ZSWIM6: variants seen among roughly 807,000 people sequenced by gnomAD.
The protein encoded by ZSWIM6 is zinc finger SWIM domain-containing protein 6.
A neutral mutation model predicts 113.2 loss-of-function variants in ZSWIM6; 9 were observed. That is an observed-to-expected ratio of 0.08 (90% CI 0.05 to 0.14). The LOEUF is 0.14. Ranked by LOEUF, ZSWIM6 falls within the 10% of genes least tolerant of loss-of-function variation. The pLI, the probability that ZSWIM6 is intolerant of heterozygous loss-of-function variation, is 1.00. For synonymous variants in ZSWIM6, 611 were observed against 606.5 expected (o/e 1.01, Z -0.11); for missense variants, 1,162 against 1,552.2 (o/e 0.75, Z 4.22).
intron 1 of ZSWIM6, among the ~76,000 whole-genome samples, chr5:61,465,434 T>C (rs1467628411): frequency 1.3e-5 from 2 of 152,204 alleles, no homozygotes; most frequent in East Asian, 3.9e-4. Context: ...TTTTTTTTTT[T>C]TCTAGTTCAA....
chr5:61,500,318 G>T (rs769348681), intron 4 of ZSWIM6, among the ~76,000 whole-genome samples: 26 of 151,874 alleles, frequency 1.7e-4, no homozygotes, highest in Non-Finnish European at 3.2e-4. Flanking sequence ...AGTAGAGATG[G>T]GGTTTCACTA....
At chr5:61,535,998 A>G (rs1179536859) in intron 10 of ZSWIM6, among the ~76,000 whole-genome samples, 1 of 152,266 alleles carries the variant, frequency 6.6e-6, no homozygotes, top group East Asian at 1.9e-4. Flanking sequence ...CTTGAATATA[A>G]TTGAGGGAGA....
intron 1 of ZSWIM6, among the ~76,000 whole-genome samples, chr5:61,383,762 G>T (rs976670795): frequency 2.0e-5 from 3 of 151,444 alleles, no homozygotes; most frequent in Non-Finnish European, 4.4e-5. Flanking sequence ...GGTCAGGCTG[G>T]TCTCGAACTC....
intron 1 of ZSWIM6, among the ~76,000 whole-genome samples, chr5:61,458,134 A>G (rs1747244487): frequency 2.6e-5 from 4 of 152,200 alleles, no homozygotes; most frequent in Non-Finnish European, 4.4e-5. Context: ...CTGAGTATGT[A>G]GATGCTTGGA....
intron 1 of ZSWIM6, among the ~76,000 whole-genome samples, chr5:61,370,010 A>G (rs1457767892): frequency 6.6e-6 from 1 of 152,220 alleles, no homozygotes; most frequent in Non-Finnish European, 1.5e-5. Flanking sequence ...TAAAACTCAA[A>G]TGGCTTTCCA....
chr5:61,370,900 C>G (rs1745248945), intron 1 of ZSWIM6, among the ~76,000 whole-genome samples: 1 of 152,136 alleles, frequency 6.6e-6, no homozygotes, highest in Non-Finnish European at 1.5e-5. Context: ...AAGTTACTCA[C>G]AAAGTTAAGT....
intron 2 of ZSWIM6, among the ~76,000 whole-genome samples, chr5:61,487,730 A>G (rs1352872081): frequency 6.6e-6 from 1 of 152,112 alleles, no homozygotes; most frequent in Non-Finnish European, 1.5e-5. Context: ...TTGATTTTGC[A>G]TCCTGCAACT....
At position 61,525,891 on chromosome 5, in the gene ZSWIM6, C is replaced by G. The variant is rs1330156109; in HGVS notation, c.1605C>G (p.Ile535Met). Residue 535 changes from isoleucine to methionine, a missense_variant, in exon 6 of 14, where the codon ATC (isoleucine) becomes ATG (methionine). Physicochemically the swap from Ile to Met is conservative, Grantham distance 10. Transcript: ENST00000252744. The part of the protein sequence containing the change: ...HWQDSHLQHI[I>M]SSDLYTNYCY... The stretch of plus-strand genomic sequence containing the variant: ...AGGATAGCCACTTGCAGCACATTAT[C>G]AGCAGTGACCTATACACCAACTACT... The G allele has an allele frequency of 1.2e-5, 19 of 1,551,974 alleles. No individual in the cohort carries two copies. In the Admixed American group the frequency reaches 3.1e-4, roughly 26 times the overall value.
At chr5:61,380,142 C>G (rs1262473366) in intron 1 of ZSWIM6, among the ~76,000 whole-genome samples, 1 of 152,022 alleles carries the variant, frequency 6.6e-6, no homozygotes, top group Non-Finnish European at 1.5e-5. Context: ...GTGGCGTGAT[C>G]ACAGCTTACT....
At position 61,340,256 on chromosome 5, in the gene ZSWIM6, G is replaced by A. The variant is rs111532369; in HGVS notation, c.676+7308G>A. Reference sequence around the variant, plus strand: ...CTGAAAGATTGACTTTCAGCTGATAGTAAACTGTTGCTTGAGTATGCTAAA... The same window carrying A: ...CTGAAAGATTGACTTTCAGCTGATAATAAACTGTTGCTTGAGTATGCTAAA... On this transcript the variant is annotated intron_variant, in intron 1 of 13. Coordinates refer to ENST00000252744, the MANE Select transcript of ZSWIM6 (RefSeq NM_020928.2). Among the ~76,000 whole-genome samples, 29 of 152,276 alleles carry A rather than the reference G, an allele frequency of 1.9e-4. 2 individuals are homozygous for A. Among genetic ancestry groups the A allele is most frequent in the African/African-American group, 7.0e-4 (29 of 41,554 alleles).
intron 1 of ZSWIM6, among the ~76,000 whole-genome samples, chr5:61,355,431 AACACACACACACACAC>A (rs34072520): frequency 0.086 from 10,951 of 127,518 alleles, 518 homozygotes; most frequent in East Asian, 0.16. Context: ...GAGACTTTAA[AACACACACACACACAC>A]ACACACACAC....
chr5:61,510,817 C>T (rs1311775557), intron 4 of ZSWIM6, among the ~76,000 whole-genome samples: 1 of 152,100 alleles, frequency 6.6e-6, no homozygotes, highest in African/African-American at 2.4e-5. Context: ...ACCAGTAGTA[C>T]CTGACTAGGT....
chr5:61,401,253 A>C (rs1745935336), intron 1 of ZSWIM6, among the ~76,000 whole-genome samples: 1 of 152,188 alleles, frequency 6.6e-6, no homozygotes, highest in African/African-American at 2.4e-5. Flanking sequence ...TGGTGGAGCA[A>C]CAGACGGAAG....
Position 61,543,404 on chromosome 5 carries a change from C to T in ZSWIM6, c.2786-51C>T. ...TTGTAAAAGTCAAAATAAGGCAGGA[C>T]CTCTGGGCAGCCTCCTCGTCAGTAA... On this transcript the variant is annotated intron_variant, in intron 13 of 13. Coordinates refer to ENST00000252744, the MANE Select transcript of ZSWIM6 (RefSeq NM_020928.2). This position sits in a 1 kb window ranked among gnomAD's most constrained non-coding sequence, Gnocchi z 4.3. 2.0e-6 allele frequency: 3 copies of T among 1,506,708 alleles called. No individual in the cohort carries two copies. The South Asian group carries it at 3.8e-5, about 19-fold the overall frequency. The allele number at this position is 1,506,708 out of a possible 1,614,324, so 93.3% of individuals were successfully genotyped here. A position where few individuals can be genotyped will look rare whatever the true frequency, so the allele number is the denominator to read the frequency against.
intron 1 of ZSWIM6, among the ~76,000 whole-genome samples, chr5:61,387,229 G>A (rs1745607212): frequency 6.6e-6 from 1 of 152,162 alleles, no homozygotes; most frequent in African/African-American, 2.4e-5. Flanking sequence ...CAACCAAACA[G>A]CATATTTATA....
chr5:61,530,672 G>A (rs1458513812), intron 8 of ZSWIM6, among the ~76,000 whole-genome samples: 3 of 152,180 alleles, frequency 2.0e-5, no homozygotes, highest in Admixed American at 6.5e-5. Context: ...TTCCTTGAAA[G>A]CTGTGTTTTG....
intron 4 of ZSWIM6, among the ~76,000 whole-genome samples, chr5:61,505,767 T>C (rs1748602475): frequency 6.7e-6 from 1 of 149,438 alleles, no homozygotes; most frequent in Admixed American, 6.7e-5. Context: ...CTTTCTTTTT[T>C]TGAGACAGTC....
chr5:61,442,515 T>C (rs951673841), intron 1 of ZSWIM6, among the ~76,000 whole-genome samples: 1 of 152,194 alleles, frequency 6.6e-6, no homozygotes, highest in African/African-American at 2.4e-5. Context: ...CCTTCACTTC[T>C]ATCAAAGACA....
chr5:61,510,951 C>T (rs1377634672), intron 4 of ZSWIM6, among the ~76,000 whole-genome samples: 2 of 152,024 alleles, frequency 1.3e-5, no homozygotes, highest in African/African-American at 2.4e-5. Flanking sequence ...GTTTAATCAT[C>T]AAATAGCTTT....
Sources: allele counts gnomAD v4.1 joint callset (sites outside exome capture counted in the v4.1 genomes callset), GRCh38; gene constraint gnomAD v4.1.1; non-coding constraint Gnocchi (gnomAD v3.1); transcripts MANE v1.5; gene names NCBI Gene and HGNC (gene_info 2026-07-23, HGNC 2026-07-21).